ZNF423: variants seen among roughly 807,000 people sequenced by gnomAD.
The protein encoded by ZNF423 is zinc finger protein 423.
In ZNF423, 12 loss-of-function variants were observed where a neutral mutation model predicts 95.8. The ratio of observed to expected loss-of-function variants is 0.13; its 90% CI spans 0.08 to 0.20. The LOEUF is 0.20. ZNF423 is among the 10% of genes least tolerant of loss of function. The pLI is 1.00. For missense variants in ZNF423, 1,316 were observed against 1,737.1 expected (o/e 0.76, Z 4.31); for synonymous variants, 749 against 711.9 (o/e 1.05, Z -0.83).
chr16:49,743,190 C>A (rs1216127548), intron 2 of ZNF423, among the ~76,000 whole-genome samples: 1 of 152,156 alleles, frequency 6.6e-6, no homozygotes, highest in South Asian at 2.1e-4. Context: ...GCAGAAAGAG[C>A]CTCACTGTCA....
At chr16:49,773,598 A>G (rs1466279309) in intron 2 of ZNF423, among the ~76,000 whole-genome samples, 2 of 152,172 alleles carry the variant, frequency 1.3e-5, no homozygotes, top group African/African-American at 4.8e-5. Flanking sequence ...AAATGTGCCT[A>G]TCTATGTTGA....
At chr16:49,543,866 C>G (rs1310353166) in intron 5 of ZNF423, among the ~76,000 whole-genome samples, 1 of 152,208 alleles carries the variant, frequency 6.6e-6, no homozygotes, top group East Asian at 1.9e-4. Flanking sequence ...TTGGGCAAGT[C>G]GCTGACCTCT....
At chr16:49,717,217 C>T (rs552337071) in intron 3 of ZNF423, among the ~76,000 whole-genome samples, 15 of 152,148 alleles carry the variant, frequency 9.9e-5, no homozygotes, top group African/African-American at 3.1e-4. Flanking sequence ...TCCCCACTCC[C>T]CCACTGCCCT....
At chr16:49,503,311 A>C (rs1324007241) in intron 7 of ZNF423, among the ~76,000 whole-genome samples, 1 of 152,114 alleles carries the variant, frequency 6.6e-6, no homozygotes, top group African/African-American at 2.4e-5. Flanking sequence ...TGTCTCCTCG[A>C]GGAGGCAGAG....
chr16:49,714,726 G>A (rs1303331654), intron 3 of ZNF423, among the ~76,000 whole-genome samples: 4 of 151,564 alleles, frequency 2.6e-5, no homozygotes, highest in Non-Finnish European at 5.9e-5. Flanking sequence ...TTCCAGATCA[G>A]CCTAAGCAAC....
chr16:49,756,284 C>T (rs1380672295), intron 2 of ZNF423, among the ~76,000 whole-genome samples: 1 of 152,108 alleles, frequency 6.6e-6, no homozygotes, highest in Non-Finnish European at 1.5e-5. Flanking sequence ...AGTGTGTGGC[C>T]CACCACTATC....
At position 49,729,992 on chromosome 16, in the gene ZNF423, G is replaced by A. The variant is rs984525206; in HGVS notation, c.301+779C>T. Among the ~76,000 whole-genome samples the A allele has an allele frequency of 5.3e-5, 8 of 152,096 alleles. No homozygotes were observed. In the South Asian group the frequency reaches 1.7e-3, roughly 31 times the overall value. ...ACCCTGATGGAAGAAGGTCTCTCAG[G>A]AAGACTGTGTAAGGAACACAGGTCC... On this transcript the variant is annotated intron_variant, in intron 3 of 7. Coordinates refer to ENST00000563137, the MANE Select transcript of ZNF423 (RefSeq NM_001379286.1).
intron 2 of ZNF423, among the ~76,000 whole-genome samples, chr16:49,740,335 TCTC>T (rs1490337833): frequency 6.6e-6 from 1 of 152,066 alleles, no homozygotes; most frequent in Non-Finnish European, 1.5e-5. Context: ...AGAAGAACCC[TCTC>T]CTCCATGAAC....
chr16:49,630,082 G>A (rs544686996), intron 4 of ZNF423, among the ~76,000 whole-genome samples: 2 of 152,164 alleles, frequency 1.3e-5, no homozygotes, highest in African/African-American at 4.8e-5. Flanking sequence ...CCACAGCCTG[G>A]GGCCCAGACA....
chr16:49,606,602 G>T lies in ZNF423; in HGVS notation c.3601+19568C>A, dbSNP rs999405973. 6.6e-5 allele frequency among the ~76,000 whole-genome samples: 10 copies of T among 152,238 alleles called. No individual in the cohort carries two copies. The South Asian group carries it at 1.9e-3, about 28-fold the overall frequency. ...CCAGAGGGAGAACCTGTGGATAGGG[G>T]TCTCAGGGCAGAAACTATTTGCTAG... is the stretch of plus-strand genomic sequence containing the variant. On this transcript the variant is annotated intron_variant, in intron 5 of 7. Coordinates refer to ENST00000563137, the MANE Select transcript of ZNF423 (RefSeq NM_001379286.1).
At chr16:49,761,494 G>A (rs1055589659) in intron 2 of ZNF423, among the ~76,000 whole-genome samples, 8 of 152,182 alleles carry the variant, frequency 5.3e-5, no homozygotes, top group African/African-American at 1.7e-4. Context: ...GGAGAACGAC[G>A]CTGGTCCCAG....
chr16:49,850,096 C>G (rs2035287011), intron 1 of ZNF423, among the ~76,000 whole-genome samples: 1 of 152,228 alleles, frequency 6.6e-6, no homozygotes. Context: ...AATTGGCGCT[C>G]CTTGAAAGCG....
At chr16:49,754,044 A>AG (rs2033680704) in intron 2 of ZNF423, among the ~76,000 whole-genome samples, 2 of 151,974 alleles carry the variant, frequency 1.3e-5, no homozygotes, top group South Asian at 4.2e-4. Flanking sequence ...AAAAAAAAAA[A>AG]AGCCAGGCAT....
intron 1 of ZNF423, among the ~76,000 whole-genome samples, chr16:49,790,682 GT>G (rs1234046101): frequency 6.6e-6 from 1 of 152,250 alleles, no homozygotes; most frequent in Non-Finnish European, 1.5e-5. Context: ...CAGAACCTGA[GT>G]TCTAGCGCAA....
At chr16:49,742,583 C>T (rs560964316) in intron 2 of ZNF423, among the ~76,000 whole-genome samples, 134 of 152,040 alleles carry the variant, frequency 8.8e-4, no homozygotes, top group African/African-American at 3.1e-3. Context: ...ATTCTGCCCT[C>T]GCCTTGCTGT....
At chr16:49,750,359 A>T (rs1220827379) in intron 2 of ZNF423, among the ~76,000 whole-genome samples, 1 of 152,206 alleles carries the variant, frequency 6.6e-6, no homozygotes, top group Non-Finnish European at 1.5e-5. Flanking sequence ...GTTTCCAAGA[A>T]GTCCCTGCAT....
At chr16:49,604,549 A>C (rs933267715) in intron 5 of ZNF423, among the ~76,000 whole-genome samples, 3 of 152,134 alleles carry the variant, frequency 2.0e-5, no homozygotes, top group Admixed American at 2.0e-4. Flanking sequence ...GCATCACCTC[A>C]GCAGGGTTCC....
chr16:49,504,631 G>T (rs540285253), intron 7 of ZNF423, among the ~76,000 whole-genome samples: 3 of 152,182 alleles, frequency 2.0e-5, no homozygotes, highest in Non-Finnish European at 2.9e-5. Context: ...TAAGAGAAAG[G>T]GTTGCTGCAC....
At chr16:49,858,712 T>C (rs1382159293), upstream of ZNF423, among the ~76,000 whole-genome samples, 1 of 81,354 alleles carries the variant, frequency 1.2e-5, no homozygotes, top group African/African-American at 5.1e-5. The surrounding 1 kb of genome is among the most constrained non-coding windows in gnomAD (Gnocchi z 4.3). Context: ...CCGGAGGGAA[T>C]AGGAGCCCCC....
Sources: gnomAD v4.1 joint callset for allele counts (sites outside exome capture counted in the v4.1 genomes callset) on GRCh38, gnomAD v4.1.1 for gene constraint, Gnocchi (gnomAD v3.1) non-coding constraint, MANE v1.5 for transcripts, NCBI Gene and HGNC (gene_info 2026-07-23, HGNC 2026-07-21) for gene names.